SEMA3A: variants seen among roughly 807,000 people sequenced by gnomAD.
SEMA3A encodes semaphorin-3A.
A neutral mutation model predicts 97.9 loss-of-function variants in SEMA3A; 29 were observed. The ratio of observed to expected loss-of-function variants is 0.30; its 90% confidence interval spans 0.22 to 0.40. The LOEUF (loss-of-function observed/expected upper bound fraction) is 0.40, where lower values mean the gene tolerates loss of function less well. SEMA3A is among the 10% of genes least tolerant of loss of function. The pLI, the probability that SEMA3A is intolerant of heterozygous loss-of-function variation, is 1.00. For missense variants in SEMA3A, 763 were observed against 951.3 expected (o/e 0.80, Z 2.60); for synonymous variants, 321 against 323.7 (o/e 0.99, Z 0.09).
chr7:84,154,127 T>A (rs1796761754), intron 1 of SEMA3A, among the ~76,000 whole-genome samples: 1 of 152,132 alleles, frequency 6.6e-6, no homozygotes, highest in Admixed American at 6.5e-5. Context: ...CTCTCAACTT[T>A]GTATGAGATA....
At chr7:84,356,876 G>C (rs1038790467) in intron 2 of SEMA3A, among the ~76,000 whole-genome samples, 2 of 151,490 alleles carry the variant, frequency 1.3e-5, no homozygotes, top group Non-Finnish European at 2.9e-5. Context: ...ATTTAGTTTT[G>C]ATAAGCCTGT....
intron 1 of SEMA3A, among the ~76,000 whole-genome samples, chr7:84,406,083 A>C (rs370852793): frequency 6.6e-6 from 1 of 152,062 alleles, no homozygotes; most frequent in African/African-American, 2.4e-5. Context: ...ACACAAAAAA[A>C]CCTTCAAAAA....
chr7:84,028,925 T>A (rs541256132), intron 6 of SEMA3A, among the ~76,000 whole-genome samples: 12 of 152,268 alleles, frequency 7.9e-5, no homozygotes, highest in South Asian at 6.2e-4. Flanking sequence ...GACCATAAGG[T>A]TTATTTTTTA....
intron 9 of SEMA3A, 133 bp from the exon 10 acceptor site, chr7:84,007,630 G>A: frequency 2.5e-6 from 2 of 812,492 alleles, no homozygotes; most frequent in South Asian, 4.0e-5. Flanking sequence ...ATAATGTTTG[G>A]GATTTTTCTA....
At chr7:84,041,830 A>G (rs1050253023) in intron 6 of SEMA3A, among the ~76,000 whole-genome samples, 1 of 152,124 alleles carries the variant, frequency 6.6e-6, no homozygotes, top group African/African-American at 2.4e-5. Flanking sequence ...GCAAAATACT[A>G]TAACTTGCTT....
chr7:84,175,932 TA>T (rs1402115335), intron 1 of SEMA3A, among the ~76,000 whole-genome samples: 1 of 152,182 alleles, frequency 6.6e-6, no homozygotes, highest in African/African-American at 2.4e-5. Flanking sequence ...ACTTTTTATT[TA>T]TGGTCACAGT....
At chr7:84,180,263 C>T (rs151314030) in intron 1 of SEMA3A, among the ~76,000 whole-genome samples, 1 of 151,850 alleles carries the variant, frequency 6.6e-6, no homozygotes, top group African/African-American at 2.4e-5. Context: ...CTGTTCTATT[C>T]CTGGTCATTC....
intron 1 of SEMA3A, among the ~76,000 whole-genome samples, chr7:84,434,724 G>A (rs541665583): frequency 1.3e-5 from 2 of 152,236 alleles, no homozygotes; most frequent in East Asian, 3.9e-4. Flanking sequence ...ATAAATGAAT[G>A]CAATTCATCA....
chr7:84,417,917 C>T (rs761287920), intron 1 of SEMA3A, among the ~76,000 whole-genome samples: 1 of 152,064 alleles, frequency 6.6e-6, no homozygotes, highest in Non-Finnish European at 1.5e-5. Context: ...AAACGCTAGT[C>T]TAATTATTAA....
rs62477010 is a variant in SEMA3A, at chr7:84,211,473, T to C, written c.-82-16805A>G. On this transcript the variant is annotated intron_variant, in intron 3 of 3. Transcript: ENST00000424555. ...TAAAAATACAAAAAAAAAAAAAAAT[T>C]AGTCGGGCATGCTGGTGCATGCCTG... Among the ~76,000 whole-genome samples, 1,877 of 150,438 alleles carry C rather than the reference T, an allele frequency of 0.012. 68 individuals are homozygous for C. In the East Asian group the frequency reaches 0.15, roughly 12 times the overall value.
chr7:84,411,685 T>G (rs1804272899), intron 1 of SEMA3A, among the ~76,000 whole-genome samples: 1 of 151,982 alleles, frequency 6.6e-6, no homozygotes. Flanking sequence ...ATTGAAAAAT[T>G]TTTAGGCTTT....
At chr7:84,437,890 G>A (rs888090909) in intron 1 of SEMA3A, among the ~76,000 whole-genome samples, 3 of 151,774 alleles carry the variant, frequency 2.0e-5, no homozygotes, top group Non-Finnish European at 2.9e-5. Flanking sequence ...GTTTCCTCAA[G>A]CCGATATGGC....
intron 3 of SEMA3A, among the ~76,000 whole-genome samples, chr7:84,301,351 T>C (rs1294686623): frequency 2.6e-5 from 4 of 152,032 alleles, no homozygotes; most frequent in Admixed American, 1.3e-4. Flanking sequence ...TATCAAAGAA[T>C]TTGTCTTCAG....
intron 1 of SEMA3A, among the ~76,000 whole-genome samples, chr7:84,429,383 T>C (rs1014570414): frequency 6.6e-6 from 1 of 151,090 alleles, no homozygotes; most frequent in Admixed American, 6.6e-5. Context: ...GATCACTAAG[T>C]TGTTTGATAG....
At chr7:84,109,826 C>T (rs188886382) in intron 4 of SEMA3A, among the ~76,000 whole-genome samples, 172 of 152,278 alleles carry the variant, frequency 1.1e-3, no homozygotes, top group African/African-American at 4.1e-3. Context: ...AAGCCAAATT[C>T]ACCAAACTGC....
chr7:84,079,210 AT>A (rs757636265), intron 4 of SEMA3A, among the ~76,000 whole-genome samples: 5 of 152,160 alleles, frequency 3.3e-5, no homozygotes, highest in Non-Finnish European at 7.4e-5. Context: ...TTCAAGATGG[AT>A]TAAAGACTTA....
intron 15 of SEMA3A, among the ~76,000 whole-genome samples, chr7:83,964,670 A>G (rs1018445258): frequency 5.9e-5 from 9 of 152,236 alleles, no homozygotes; most frequent in Non-Finnish European, 1.0e-4. Flanking sequence ...GGTGTGAAAC[A>G]AAACTCTTCC....
intron 3 of SEMA3A, among the ~76,000 whole-genome samples, chr7:84,234,396 C>T (rs969042653): frequency 6.6e-6 from 1 of 152,074 alleles, no homozygotes; most frequent in East Asian, 1.9e-4. Context: ...GCCCTGGCAT[C>T]ATTTATCAGT....
At chr7:84,398,477 G>A (rs773834945) in intron 1 of SEMA3A, among the ~76,000 whole-genome samples, 11 of 151,936 alleles carry the variant, frequency 7.2e-5, no homozygotes, top group Non-Finnish European at 1.2e-4. Flanking sequence ...GACTGAAGCC[G>A]TTAAAAATCA....
Sources: allele counts gnomAD v4.1 joint callset (sites outside exome capture counted in the v4.1 genomes callset), GRCh38; gene constraint gnomAD v4.1.1; transcripts MANE v1.5; gene names NCBI Gene and HGNC (gene_info 2026-07-23, HGNC 2026-07-21).